Variants in ZEB2 observed in about 807,000 individuals in gnomAD.
The protein encoded by ZEB2 is zinc finger E-box-binding homeobox 2.
In ZEB2, 6 loss-of-function variants were observed where a neutral mutation model predicts 99.9. The ratio of observed to expected loss-of-function variants is 0.06; its 90% CI spans 0.03 to 0.12. ZEB2 has a LOEUF of 0.12. Among genes scored for constraint, ZEB2 ranks in the 10% least tolerant of loss-of-function variants. The pLI is 1.00. For missense variants in ZEB2, 969 were observed against 1,502.8 expected (o/e 0.64, Z 5.87); for synonymous variants, 517 against 542.5 (o/e 0.95, Z 0.65).
In ZEB2 at chr2:144,392,116, C is replaced by A. The variant is rs76382315; in HGVS notation, c.3068-2088G>T. ...AGCAGAGTACATGGAAGTAATAAATCTGAATAGAGAGAAGAGAAATTATAG... is the reference window on the plus strand; with the variant it reads ...AGCAGAGTACATGGAAGTAATAAATATGAATAGAGAGAAGAGAAATTATAG... On this transcript the variant is annotated intron_variant, in intron 9 of 9. Transcript: ENST00000627532. 1.8e-3 allele frequency among the ~76,000 whole-genome samples: 271 copies of A among 152,264 alleles called. 2 individuals are homozygous for A. The highest frequency in any genetic ancestry group is 6.2e-3 in the African/African-American group (256 of 41,560).
intron 2 of ZEB2, among the ~76,000 whole-genome samples, chr2:144,457,098 G>A (rs888174145): frequency 2.0e-5 from 3 of 152,052 alleles, no homozygotes; most frequent in African/African-American, 7.2e-5. Flanking sequence ...TAACGTCTAC[G>A]TTTCCAGAAT....
intron 4 of ZEB2, among the ~76,000 whole-genome samples, chr2:144,415,816 T>C (rs1703532450): frequency 1.3e-5 from 2 of 152,212 alleles, no homozygotes; most frequent in Admixed American, 6.5e-5. Context: ...ACCCTCAAAT[T>C]GTTTCCACTC....
intron 2 of ZEB2, among the ~76,000 whole-genome samples, chr2:144,479,675 C>CT (rs77727562): frequency 0.074 from 1,658 of 22,354 alleles, 130 homozygotes; most frequent in Middle Eastern, 0.19. Flanking sequence ...GTGTATGCTA[C>CT]TTTTTTTTGG....
intron 3 of ZEB2, among the ~76,000 whole-genome samples, chr2:144,425,795 T>C (rs1703684241): frequency 6.6e-6 from 1 of 152,104 alleles, no homozygotes; most frequent in Non-Finnish European, 1.5e-5. Context: ...AAATTTTTAT[T>C]TTTACTATGA....
intron 2 of ZEB2, among the ~76,000 whole-genome samples, chr2:144,441,039 G>A (rs1217331666): frequency 6.7e-6 from 1 of 148,236 alleles, no homozygotes; most frequent in Non-Finnish European, 1.5e-5. Flanking sequence ...TCCATGCTTG[G>A]AGCAATCTAG....
At chr2:144,487,195 T>C (rs1303995689) in intron 2 of ZEB2, among the ~76,000 whole-genome samples, 1 of 152,182 alleles carries the variant, frequency 6.6e-6, no homozygotes, top group Non-Finnish European at 1.5e-5. Context: ...GAACAACTTC[T>C]GCTCATGTGA....
intron 4 of ZEB2, among the ~76,000 whole-genome samples, chr2:144,409,784 G>C (rs1246743102): frequency 1.3e-5 from 2 of 152,142 alleles, no homozygotes; most frequent in Non-Finnish European, 2.9e-5. Context: ...TGCTACTGGG[G>C]AGGCAGAGGT....
chr2:144,506,936 C>T (rs1381228246), intron 2 of ZEB2, among the ~76,000 whole-genome samples: 1 of 152,108 alleles, frequency 6.6e-6, no homozygotes, highest in Non-Finnish European at 1.5e-5. Flanking sequence ...ATGTAGAATA[C>T]ATTTTAGGAA....
rs1349953899 is a variant in ZEB2 at position 144,389,584 on chromosome 2, C to G, written c.3512G>C (p.Ser1171Thr). Residue 1171 changes from serine to threonine, a missense_variant, in exon 10 of 10, where the codon AGT becomes ACT. This residue lies in a region of ZEB2 where 121 missense variants were observed against 166.4 expected (regional missense o/e 0.73). Transcript: ENST00000627532. This position sits in a 1 kb window ranked among gnomAD's most constrained non-coding sequence, Gnocchi z 6.8. ...TATCGTTTCGGGATCCGTATCCATA[C>G]TTTTATTTTCACTTTCTTCCTCTTC... ...EEEEEESENKSMDTDPETIRD... is the reference protein window; with the variant it reads ...EEEEEESENKTMDTDPETIRD... The G allele has an allele frequency of 6.2e-7, 1 of 1,614,024 alleles. No individual in the cohort carries two copies. Among genetic ancestry groups the G allele is most frequent in the Non-Finnish European group, 8.5e-7 (1 of 1,180,042 alleles).
At chr2:144,390,929 T>TA (rs913865507) in intron 9 of ZEB2, among the ~76,000 whole-genome samples, 11 of 151,840 alleles carry the variant, frequency 7.2e-5, no homozygotes, top group Non-Finnish European at 1.2e-4. Context: ...ATAGAACTGA[T>TA]AAAAAAAAAT....
chr2:144,404,243 C>G, intron 5 of ZEB2, 113 bp from the exon 6 acceptor site: 5 of 1,182,634 alleles, frequency 4.2e-6, no homozygotes, highest in Non-Finnish European at 6.1e-6. Context: ...CAATCTGCTC[C>G]ACAGAGTGCC....
At chr2:144,398,222 A>T in intron 8 of ZEB2, 79 bp downstream of exon 8, 1 of 1,558,810 alleles carries the variant, frequency 6.4e-7, no homozygotes. Flanking sequence ...TTTCACTAAG[A>T]TTTTTTTTTC....
chr2:144,408,224 G>C (rs1225769235), intron 4 of ZEB2, among the ~76,000 whole-genome samples: 1 of 152,142 alleles, frequency 6.6e-6, no homozygotes, highest in South Asian at 2.1e-4. Flanking sequence ...AAATTAGTAG[G>C]CTCTCAAGAA....
At chr2:144,512,154 A>G in intron 2 of ZEB2, 1 of 1,287,228 alleles carries the variant, frequency 7.8e-7, no homozygotes, top group African/African-American at 1.5e-5. Flanking sequence ...AGGGCAGACA[A>G]TCAATTGTCT....
intron 2 of ZEB2, among the ~76,000 whole-genome samples, chr2:144,456,866 G>A (rs1406097216): frequency 6.6e-6 from 1 of 151,976 alleles, no homozygotes; most frequent in East Asian, 1.9e-4. Context: ...CTCATCTTGG[G>A]CCAGCCTAGG....
chr2:144,483,883 G>A (rs1282086643), intron 2 of ZEB2, among the ~76,000 whole-genome samples: 1 of 152,138 alleles, frequency 6.6e-6, no homozygotes, highest in African/African-American at 2.4e-5. Context: ...ACTTTTACCT[G>A]ATGCTGATTG....
At chr2:144,428,780 A>G (rs531322300) in intron 3 of ZEB2, 1 of 152,296 alleles carries the variant, frequency 6.6e-6, no homozygotes, top group African/African-American at 2.4e-5. Context: ...ACATCACAAC[A>G]GCATATAGGT....
At position 144,398,401 on chromosome 2, in the gene ZEB2, A is replaced by T. The variant is rs1703258641; in HGVS notation, c.2786T>A (p.Met929Lys). The T allele has an allele frequency of 6.2e-7, 1 of 1,613,972 alleles. No homozygotes were observed. Among genetic ancestry groups the T allele is most frequent in the Non-Finnish European group, 8.5e-7 (1 of 1,179,876 alleles). Residue 929 changes from methionine to lysine, a missense_variant, in exon 8 of 10, where the codon ATG becomes AAG. Physicochemically the swap from Met to Lys is moderately conservative, Grantham distance 95 (BLOSUM62 -1). Transcript: ENST00000627532. ...GLRPYPGLDQMSFLPHMAYTY... is the reference protein window; with the variant it reads ...GLRPYPGLDQKSFLPHMAYTY... ...GTAGGCCATATGTGGTAGGAAGCTC[A>T]TCTGATCCAGTCCTGGGTATGGTCG...
intron 5 of ZEB2, 69 bp downstream of exon 5, chr2:144,404,767 T>G (rs951218414): frequency 1.3e-6 from 2 of 1,546,272 alleles, no homozygotes; most frequent in Non-Finnish European, 1.8e-6. Flanking sequence ...CACCCAGGCA[T>G]GTAGTGCATT....
Sources: gnomAD v4.1 joint callset for allele counts (sites outside exome capture counted in the v4.1 genomes callset) on GRCh38, gnomAD v4.1.1 for gene constraint, gnomAD v4.1.1 regional missense constraint, Gnocchi (gnomAD v3.1) non-coding constraint, MANE v1.5 for transcripts, NCBI Gene and HGNC (gene_info 2026-07-23, HGNC 2026-07-21) for gene names.